PLEKHG2: variants seen among roughly 807,000 people sequenced by gnomAD.
PLEKHG2 encodes pleckstrin homology domain-containing family G member 2.
A neutral mutation model predicts 104.4 loss-of-function variants in PLEKHG2; 71 were observed. The ratio of observed to expected loss-of-function variants is 0.68; its 90% CI spans 0.56 to 0.83. The LOEUF is 0.83. PLEKHG2 is among the 40% of genes least tolerant of loss of function. The pLI, the probability that PLEKHG2 is intolerant of heterozygous loss-of-function variation, is 0.00. For synonymous variants in PLEKHG2, 728 were observed against 737.0 expected, an observed-to-expected ratio of 0.99 and a Z score of 0.20; for missense variants, 1,730 against 1,809.4, an observed-to-expected ratio of 0.96 and a Z score of 0.80.
At position 39,424,591 on chromosome 19, in the gene PLEKHG2, C is replaced by T. The variant is rs757175683; in HGVS notation, c.3458C>T (p.Thr1153Ile). The change falls in exon 19 of 19, where the codon ACA (threonine) becomes ATA (isoleucine). Residue 1153 changes from threonine (T) to isoleucine (I), a missense_variant. Thr to Ile is a moderately conservative substitution (Grantham distance 89, BLOSUM62 -1). Transcript: ENST00000425673. ...TTPLPLPQVL[T>I]DIWVQALPTS... ...CCTTTGCCCCTGCCACAAGTCCTCA[C>T]AGACATCTGGGTCCAAGCCCTCCCA... 1 of 1,614,166 alleles carries T rather than the reference C, an allele frequency of 6.2e-7. No individual in the cohort carries two copies. The highest frequency in any genetic ancestry group is 1.1e-5 in the South Asian group (1 of 91,078).
In PLEKHG2 at chr19:39,423,663, G is replaced by A. The variant is rs201713310; in HGVS notation, c.2599+10G>A. 3.3e-5 allele frequency: 52 copies of A among 1,552,270 alleles called. No homozygotes were observed. The highest frequency in any genetic ancestry group is 2.3e-4 in the East Asian group (10 of 44,352). ...GAGCAGGCAGAGCCAGGTGAGGTCC[G>A]GGTACGTGGTTGGCAGAGGTGGTCC... On this transcript the variant is annotated intron_variant, in intron 18 of 18. Coordinates refer to ENST00000425673, the MANE Select transcript of PLEKHG2 (RefSeq NM_022835.3).
chr19:39,421,010 C>T lies in PLEKHG2; in HGVS notation c.1447+14C>T. On this transcript the variant is annotated intron_variant, in intron 14 of 18. Transcript: ENST00000425673. ...GCAGGCAGTCTGGTGAGCACTCACC[C>T]CTAAGGGTGATCCAGGCATCGGGGT... is the stretch of plus-strand genomic sequence containing the variant. 6.2e-7 allele frequency: 1 copy of T among 1,614,118 alleles called. No individual in the cohort carries two copies. The highest frequency in any genetic ancestry group is 8.5e-7 in the Non-Finnish European group (1 of 1,180,034).
chr19:39,413,693 G>A lies in PLEKHG2; in HGVS notation c.-23+281G>A. On this transcript the variant is annotated intron_variant, in intron 1 of 18. Transcript: ENST00000425673. The surrounding 1 kb of genome is among the most constrained non-coding windows in gnomAD (Gnocchi z 4.5). ...CAGGACCCTGGCATCCGGTCCCCCA[G>A]CCTCCGCCCTCCCCTGGGACCCCGC... 6.3e-6 allele frequency: 1 copy of A among 157,896 alleles called. No homozygotes were observed. Among genetic ancestry groups the A allele is most frequent in the Non-Finnish European group, 1.4e-5 (1 of 71,120 alleles). 9.8% of individuals were successfully genotyped at this position (157,896 alleles called of 1,614,324 possible). A position where few individuals can be genotyped will look rare whatever the true frequency, so the allele number is the denominator to read the frequency against.
rs1393157880 is a variant in PLEKHG2, at chr19:39,423,134, TG to T, written c.2082del (p.Trp694CysfsTer96). On this transcript the variant is annotated frameshift_variant, in exon 18 of 19. Coordinates refer to ENST00000425673, the MANE Select transcript of PLEKHG2 (RefSeq NM_022835.3). LOFTEE classifies it high-confidence loss of function. ...SSTPTLSCDS[W>X]LQGPLQEPAE... ...CACTCCCACCCTCTCCTGTGACTCC[TG>T]GCTCCAAGGGCCTCTGCAGGAACCA... 6.2e-7 allele frequency: 1 copy of T among 1,614,032 alleles called. No homozygotes were observed. Among genetic ancestry groups the T allele is most frequent in the Non-Finnish European group, 8.5e-7 (1 of 1,179,924 alleles).
rs1427378551 is a variant in PLEKHG2, at chr19:39,423,512, C to G, written c.2458C>G (p.Leu820Val). 1.3e-6 allele frequency: 2 copies of G among 1,576,812 alleles called. No individual in the cohort carries two copies. The highest frequency in any genetic ancestry group is 2.7e-5 in the African/African-American group (2 of 73,968). The stretch of plus-strand genomic sequence containing the variant: ...AAGGACGGCGTCCCGAGTGCGAGAG[C>G]TGGCCCGGCTTTACAGCGAGCGGAT... ...SERTASRVRE[L>V]ARLYSERIQQ... Residue 820 changes from leucine to valine, a missense_variant, in exon 18 of 19, where the codon CTG becomes GTG. Coordinates refer to ENST00000425673, the MANE Select transcript of PLEKHG2 (RefSeq NM_022835.3).
chr19:39,416,231 G>T lies in PLEKHG2; in HGVS notation c.480-117G>T. On this transcript the variant is annotated intron_variant, in intron 4 of 18. Coordinates refer to ENST00000425673, the MANE Select transcript of PLEKHG2 (RefSeq NM_022835.3). This position sits in a 1 kb window ranked among gnomAD's most constrained non-coding sequence, Gnocchi z 4.5. ...CGGACATGACATCCCCTTAGGAGATGCTGGCAGTCAGCAAGCCCCCAGCCC... is the reference window on the plus strand; with the variant it reads ...CGGACATGACATCCCCTTAGGAGATTCTGGCAGTCAGCAAGCCCCCAGCCC... The T allele has an allele frequency of 1.0e-6, 1 of 981,350 alleles. No individual in the cohort carries two copies. The highest frequency in any genetic ancestry group is 1.6e-6 in the Non-Finnish European group (1 of 625,274). The allele number at this position is 981,350 out of a possible 1,614,324, so 60.8% of individuals were successfully genotyped here.
In PLEKHG2 at chr19:39,421,079, G is replaced by A. The variant is rs374147885; in HGVS notation, c.1452G>A (p.Pro484=). 1.1e-5 allele frequency: 18 copies of A among 1,613,914 alleles called. No individual in the cohort carries two copies. The highest frequency in any genetic ancestry group is 2.7e-5 in the African/African-American group (2 of 74,924). Residue 484 remains proline, a synonymous_variant, in exon 15 of 19, where the codon CCG becomes CCA. Coordinates refer to ENST00000425673, the MANE Select transcript of PLEKHG2 (RefSeq NM_022835.3). ...VIRRGRRQSE[P]VKDPYVMFPQ... is the part of the protein sequence containing the mutation. ...ATCACTGTGTCCTCCCCGCAGAGCC[G>A]GTGAAGGACCCTTATGTCATGTTCC...
At position 39,416,553 on chromosome 19, in the gene PLEKHG2, C is replaced by T. The variant is rs775818088; in HGVS notation, c.549C>T (p.Ser183=). 3.4e-5 allele frequency: 54 copies of T among 1,611,432 alleles called. No homozygotes were observed. The highest frequency in any genetic ancestry group is 5.4e-5 in the African/African-American group (4 of 74,050). Residue 183 remains serine (S), a splice_region_variant and synonymous_variant, in exon 6 of 19, where the codon AGC becomes AGT. Coordinates refer to ENST00000425673, the MANE Select transcript of PLEKHG2 (RefSeq NM_022835.3). This position sits in a 1 kb window ranked among gnomAD's most constrained non-coding sequence, Gnocchi z 4.5. ...CCTGACTCCCATGTCACCCGCAGAG[C>T]GAGGATTTTGACATCTACACATTGT... The part of the protein sequence containing the change: ...GGIAECFVQR[S]EDFDIYTLYC...
At chr19:39,417,476 C>T in intron 7 of PLEKHG2, 79 bp from the exon 8 acceptor site, 1 of 1,532,660 alleles carries the variant, frequency 6.5e-7, no homozygotes, top group Non-Finnish European at 8.8e-7. Context: ...TTATATTTCT[C>T]CATCTCCTGT....
At chr19:39,421,180 G>GGT in intron 15 of PLEKHG2, 67 bp downstream of exon 15, 1 of 1,185,546 alleles carries the variant, frequency 8.4e-7, no homozygotes. Flanking sequence ...TCTGGGGCGG[G>GGT]TTGGGGAGGG....
chr19:39,425,603 G>C lies in PLEKHG2; in HGVS notation c.*309G>C, dbSNP rs1004813035. On this transcript the variant is annotated 3_prime_UTR_variant, in exon 19 of 19. Transcript: ENST00000425673. ...TGACACAGAACAAATCAGCGGTTCTGAAAGCTTGGGGAATCTCAGACTCCT... is the reference window on the plus strand; with the variant it reads ...TGACACAGAACAAATCAGCGGTTCTCAAAGCTTGGGGAATCTCAGACTCCT... 10 of 418,082 alleles carry C rather than the reference G, an allele frequency of 2.4e-5. No homozygotes were observed. The highest frequency in any genetic ancestry group is 1.1e-4 in the East Asian group (3 of 28,156). The allele number at this position is 418,082 out of a possible 1,614,324, so 25.9% of individuals were successfully genotyped here.
rs757938449 is a variant in PLEKHG2, at chr19:39,421,271, C to T, written c.1487-12C>T. On this transcript the variant is annotated splice_polypyrimidine_tract_variant and intron_variant, in intron 15 of 18. Coordinates refer to ENST00000425673, the MANE Select transcript of PLEKHG2 (RefSeq NM_022835.3). ...ACTAATGCTTCTCTCTCTCTCATCT[C>T]TCCATCCTTAGCTAAGCCTGGATTC... 1.7e-5 allele frequency: 28 copies of T among 1,613,904 alleles called. No homozygotes were observed. Among genetic ancestry groups the T allele is most frequent in the Non-Finnish European group, 2.2e-5 (26 of 1,179,798 alleles).
At position 39,424,560 on chromosome 19, in the gene PLEKHG2, A is replaced by G. The variant is rs1247473585; in HGVS notation, c.3427A>G (p.Thr1143Ala). The G allele has an allele frequency of 6.2e-7, 1 of 1,613,974 alleles. No individual in the cohort carries two copies. Among genetic ancestry groups the G allele is most frequent in the Non-Finnish European group, 8.5e-7 (1 of 1,179,978 alleles). Reference sequence around the variant, plus strand: ...GCTCCCAGACACTCAGGTTCCAGCTACCACACCTTTGCCCCTGCCACAAGT... The same window carrying G: ...GCTCCCAGACACTCAGGTTCCAGCTGCCACACCTTTGCCCCTGCCACAAGT... ...QELPDTQVPA[T>A]TPLPLPQVLT... The change falls in exon 19 of 19, where the codon ACC becomes GCC. Residue 1143 changes from threonine (T) to alanine (A), a missense_variant. By Grantham distance (58) the Thr-to-Ala change is moderately conservative. Transcript: ENST00000425673.
intron 17 of PLEKHG2, 92 bp from the exon 18 acceptor site, chr19:39,422,640 C>A: frequency 2.8e-6 from 4 of 1,442,402 alleles, no homozygotes; most frequent in Non-Finnish European, 3.7e-6. Flanking sequence ...CCGCCCACTT[C>A]AGCCTCCCAA....
chr19:39,418,143 A>G, intron 9 of PLEKHG2, 38 bp downstream of exon 9: 2 of 1,449,396 alleles, frequency 1.4e-6, no homozygotes, highest in South Asian at 3.0e-5. Context: ...AATACTACCT[A>G]CAAAGTATAT....
At position 39,426,958 on chromosome 19, in the gene PLEKHG2, C is replaced by T. The variant is rs2078788426; in HGVS notation, c.*1664C>T. 6.6e-6 allele frequency: 1 copy of T among 152,072 alleles called. No homozygotes were observed. The highest frequency in any genetic ancestry group is 2.4e-5 in the African/African-American group (1 of 41,370). The allele number at this position is 152,072 out of a possible 1,614,324, so 9.4% of individuals were successfully genotyped here. On this transcript the variant is annotated 3_prime_UTR_variant, in exon 19 of 19. Coordinates refer to ENST00000425673, the MANE Select transcript of PLEKHG2 (RefSeq NM_022835.3). ...TCCTGGGTTCAAGCAATTCTCATGCCTCAGCTTCCCGACATAGCTGGGATT... is the reference window on the plus strand; with the variant it reads ...TCCTGGGTTCAAGCAATTCTCATGCTTCAGCTTCCCGACATAGCTGGGATT...
intron 8 of PLEKHG2, 68 bp from the exon 9 acceptor site, chr19:39,417,837 T>C: frequency 6.7e-7 from 1 of 1,496,794 alleles, no homozygotes; most frequent in Non-Finnish European, 8.9e-7. Flanking sequence ...CCTGTTTTGG[T>C]GTGTATGTGT....
Position 39,423,206 on chromosome 19 carries a change from C to T in PLEKHG2, c.2152C>T (p.Pro718Ser). 6.2e-7 allele frequency: 1 copy of T among 1,612,724 alleles called. No individual in the cohort carries two copies. The highest frequency in any genetic ancestry group is 8.5e-7 in the Non-Finnish European group (1 of 1,178,948). Reference sequence around the variant, plus strand: ...GAGAGAACTGTTTTCTGGGAGCAATCCTGGGAAACTGGGAGAGCCGCCTTC... The same window carrying T: ...GAGAGAACTGTTTTCTGGGAGCAATTCTGGGAAACTGGGAGAGCCGCCTTC... ...TRRELFSGSN[P>S]GKLGEPPSGG... Residue 718 changes from proline to serine, a missense_variant, in exon 18 of 19, where the codon CCT becomes TCT. Pro to Ser is a moderately conservative substitution (Grantham distance 74). Transcript: ENST00000425673.
chr19:39,413,823 A>C lies in PLEKHG2; in HGVS notation c.-22-242A>C, dbSNP rs2078557699. On this transcript the variant is annotated intron_variant, in intron 1 of 18. Coordinates refer to ENST00000425673, the MANE Select transcript of PLEKHG2 (RefSeq NM_022835.3). The surrounding 1 kb of genome is among the most constrained non-coding windows in gnomAD (Gnocchi z 4.5). ...AAGCCTCCGGCCCCAGACAAACGGG[A>C]CTCGCAGCTTCTGCGCCTCCTGCTC... 2 of 267,486 alleles carry C rather than the reference A, an allele frequency of 7.5e-6. No individual in the cohort carries two copies. The highest frequency in any genetic ancestry group is 1.5e-5 in the Non-Finnish European group (2 of 136,226). The allele number at this position is 267,486 out of a possible 1,614,324, so 16.6% of individuals were successfully genotyped here.
Sources: allele counts gnomAD v4.1 joint callset, GRCh38; gene constraint gnomAD v4.1.1; non-coding constraint Gnocchi (gnomAD v3.1); transcripts MANE v1.5; gene names NCBI Gene and HGNC (gene_info 2026-07-23, HGNC 2026-07-21).